The following PSD3 variants were observed in gnomAD, a reference collection of about 807,000 sequenced individuals.
PSD3 encodes the protein PH and SEC7 domain-containing protein 3.
Under a neutral mutation model 105.5 loss-of-function variants are expected in PSD3, and 49 were observed. That is an observed-to-expected ratio of 0.46 (90% CI 0.37 to 0.59). The LOEUF (loss-of-function observed/expected upper bound fraction) is 0.59, where lower values mean the gene tolerates loss of function less well. PSD3 is among the 20% of genes least tolerant of loss of function. The probability of loss-of-function intolerance (pLI) is 0.00; values close to 1 mark genes in which losing one functional copy is unlikely to be tolerated. For missense variants in PSD3, 1,561 were observed against 1,263.8 expected (o/e 1.24, Z -3.57); for synonymous variants, 557 against 457.8 (o/e 1.22, Z -2.77).
At chr8:18,575,755 G>A (rs1193813672) in intron 12 of PSD3, among the ~76,000 whole-genome samples, 2 of 152,120 alleles carry the variant, frequency 1.3e-5, no homozygotes, top group African/African-American at 4.8e-5. Flanking sequence ...GATATTACAT[G>A]TTCCTGTTAC....
At chr8:18,855,685 G>C (rs1016584944) in intron 4 of PSD3, among the ~76,000 whole-genome samples, 1 of 100,844 alleles carries the variant, frequency 9.9e-6, no homozygotes, top group Non-Finnish European at 1.9e-5. Flanking sequence ...TGTATATGAA[G>C]CTGAAAAGTG....
chr8:18,868,528 T>G (rs544354498), intron 3 of PSD3, among the ~76,000 whole-genome samples: 4 of 152,126 alleles, frequency 2.6e-5, no homozygotes, highest in African/African-American at 9.6e-5. Context: ...GGCCAAATGC[T>G]CTCAAGCAGA....
chr8:18,676,856 G>A (rs577428283), intron 9 of PSD3, among the ~76,000 whole-genome samples: 1 of 152,204 alleles, frequency 6.6e-6, no homozygotes, highest in East Asian at 1.9e-4. Flanking sequence ...CCTTGTGCTT[G>A]AGCACAAGCC....
At chr8:19,013,713 C>A (rs1827066275), upstream of PSD3, 7 of 770,736 alleles carry the variant, frequency 9.1e-6, no homozygotes, top group Non-Finnish European at 1.2e-5. Flanking sequence ...CGAGAGGCGG[C>A]GGCCCGCGCG....
chr8:18,683,356 G>C (rs1355711025), intron 9 of PSD3, among the ~76,000 whole-genome samples: 1 of 152,150 alleles, frequency 6.6e-6, no homozygotes, highest in East Asian at 1.9e-4. Context: ...AAGACCAGGG[G>C]AGGAAAGGAA....
intron 8 of PSD3, among the ~76,000 whole-genome samples, chr8:18,767,081 G>A (rs115262294): frequency 9.2e-4 from 140 of 152,220 alleles, no homozygotes; most frequent in East Asian, 4.2e-3. Context: ...GCCTCTGTTC[G>A]CAAAACGTAC....
chr8:18,765,993 CA>C (rs1806963385), intron 8 of PSD3, among the ~76,000 whole-genome samples: 1 of 147,602 alleles, frequency 6.8e-6, no homozygotes, highest in Non-Finnish European at 1.5e-5. Context: ...AAACAAAAAA[CA>C]GACAAACAAA....
intron 15 of PSD3, among the ~76,000 whole-genome samples, chr8:18,555,363 A>T (rs1393134639): frequency 6.6e-6 from 1 of 152,184 alleles, no homozygotes. Context: ...AATGAGAAGT[A>T]AAAGGGGCCA....
intron 1 of PSD3, among the ~76,000 whole-genome samples, chr8:19,009,545 G>A (rs1826859830): frequency 6.7e-6 from 1 of 148,476 alleles, no homozygotes; most frequent in African/African-American, 2.6e-5. Flanking sequence ...AGCTGTGATT[G>A]TAAAAACGCC....
At chr8:18,829,939 C>G (rs1184747707) in intron 4 of PSD3, among the ~76,000 whole-genome samples, 1 of 152,068 alleles carries the variant, frequency 6.6e-6, no homozygotes, top group Non-Finnish European at 1.5e-5. Context: ...CCAAAAAGCT[C>G]TGAAGATACC....
chr8:18,757,891 C>T (rs1055583384), intron 9 of PSD3, among the ~76,000 whole-genome samples: 3 of 152,112 alleles, frequency 2.0e-5, no homozygotes, highest in South Asian at 2.1e-4. Flanking sequence ...GTACTCAGTA[C>T]TTTAAAAGAA....
At chr8:18,546,461 G>C (rs1585212042) in intron 15 of PSD3, among the ~76,000 whole-genome samples, 1 of 152,152 alleles carries the variant, frequency 6.6e-6, no homozygotes, top group African/African-American at 2.4e-5. Context: ...GTGACTATGA[G>C]ACATGCCAAA....
chr8:18,969,341 C>T (rs1433429438), intron 1 of PSD3, among the ~76,000 whole-genome samples: 1 of 152,102 alleles, frequency 6.6e-6, no homozygotes, highest in Non-Finnish European at 1.5e-5. Flanking sequence ...ATCTAAATTT[C>T]GATGCAACAG....
intron 11 of PSD3, among the ~76,000 whole-genome samples, chr8:18,603,411 T>C (rs556068671): frequency 5.3e-4 from 80 of 152,212 alleles, no homozygotes; most frequent in Non-Finnish European, 6.0e-4. Flanking sequence ...TTGGAGGCCA[T>C]TTTCAATTAC....
chr8:18,637,637 AT>A (rs1183669563), intron 10 of PSD3, among the ~76,000 whole-genome samples: 3 of 152,188 alleles, frequency 2.0e-5, no homozygotes, highest in Non-Finnish European at 4.4e-5. Context: ...GTAAAGTACC[AT>A]TTCATTTTAT....
chr8:18,539,320 T>C (rs1800018633), intron 15 of PSD3, among the ~76,000 whole-genome samples: 1 of 152,080 alleles, frequency 6.6e-6, no homozygotes, highest in South Asian at 2.1e-4. Flanking sequence ...ATAACTGAAA[T>C]TTCTCTCTTC....
chr8:19,033,512 CTCTT>C (rs1329815637), intron 1 of PSD3, among the ~76,000 whole-genome samples: 2 of 148,224 alleles, frequency 1.3e-5, no homozygotes, highest in East Asian at 4.0e-4. Flanking sequence ...TTTAAAACGT[CTCTT>C]CCTTCCTTCT....
At chr8:18,658,392 A>G (rs11990818) in intron 9 of PSD3, among the ~76,000 whole-genome samples, 63,513 of 152,056 alleles carry the variant, frequency 0.42, 13,850 homozygotes, top group African/African-American at 0.54. Context: ...TTTATCTCTA[A>G]CCTGGCAGTC....
At chr8:18,762,454 G>T (rs1286310382) in intron 9 of PSD3, among the ~76,000 whole-genome samples, 2 of 152,174 alleles carry the variant, frequency 1.3e-5, no homozygotes, top group African/African-American at 4.8e-5. Flanking sequence ...TCAGGTATTT[G>T]TTTGCAGCAG....
Sources: gnomAD v4.1 joint callset for allele counts (sites outside exome capture counted in the v4.1 genomes callset) on GRCh38, gnomAD v4.1.1 for gene constraint, MANE v1.5 for transcripts, NCBI Gene and HGNC (gene_info 2026-07-23, HGNC 2026-07-21) for gene names.